Variants in BCAS3 observed in about 807,000 individuals in gnomAD.
BCAS3 encodes the protein BCAS3 microtubule associated cell migration factor.
A neutral mutation model predicts 116.1 loss-of-function variants in BCAS3; 53 were observed. The ratio of observed to expected loss-of-function variants is 0.46; its 90% confidence interval spans 0.37 to 0.57. The LOEUF (loss-of-function observed/expected upper bound fraction) is 0.57, where lower values mean the gene tolerates loss of function less well. BCAS3 is among the 20% of genes least tolerant of loss of function. The pLI is 0.00. For synonymous variants in BCAS3, 391 were observed against 408.2 expected (o/e 0.96, Z 0.51); for missense variants, 917 against 1,165.4 (o/e 0.79, Z 3.10).
At chr17:60,973,882 A>G (rs1051994973) in intron 14 of BCAS3, among the ~76,000 whole-genome samples, 2 of 151,976 alleles carry the variant, frequency 1.3e-5, no homozygotes, top group Non-Finnish European at 2.9e-5. Context: ...GTGAGCCACC[A>G]CACCCTGCCT....
Position 61,085,283 on chromosome 17 carries a change from G to GA in BCAS3, c.2425+719_2425+720insA, listed in dbSNP as rs112378576. Among the ~76,000 whole-genome samples the GA allele has an allele frequency of 1.4e-3, 214 of 152,334 alleles. 1 individual carries two copies. Among genetic ancestry groups the GA allele is most frequent in the African/African-American group, 4.4e-3 (183 of 41,572 alleles). On this transcript the variant is annotated intron_variant, in intron 22 of 23. Coordinates refer to ENST00000407086, the MANE Select transcript of BCAS3 (RefSeq NM_017679.5). The stretch of plus-strand genomic sequence containing the variant: ...TGCAGCTGGGGAGCATCTGAAGACA[G>GA]CGCATGGCAGGATTTTGTCCAAAAA...
chr17:61,305,724 C>T lies in BCAS3; in HGVS notation c.2426-62603C>T, dbSNP rs138657226. 4.9e-3 allele frequency among the ~76,000 whole-genome samples: 743 copies of T among 152,138 alleles called. 8 individuals are homozygous for T. Among genetic ancestry groups the T allele is most frequent in the African/African-American group, 0.017 (692 of 41,520 alleles). On this transcript the variant is annotated intron_variant, in intron 22 of 23. Coordinates refer to ENST00000407086, the MANE Select transcript of BCAS3 (RefSeq NM_017679.5). Reference sequence around the variant, plus strand: ...CAGCCTGGGCAACATGGTGAAACCCCGTCTCTACTAAAAATACAAAAATTA... The same window carrying T: ...CAGCCTGGGCAACATGGTGAAACCCTGTCTCTACTAAAAATACAAAAATTA...
At chr17:61,039,115 TTCAGACCTAGG>T in intron 18 of BCAS3, among the ~76,000 whole-genome samples, 1 of 152,306 alleles carries the variant, frequency 6.6e-6, no homozygotes, top group Non-Finnish European at 1.5e-5. Flanking sequence ...TCTCCAACCC[TTCAGACCTAGG>T]CAGCAGCCAG....
At chr17:61,039,728 T>C (rs1939307512) in intron 18 of BCAS3, among the ~76,000 whole-genome samples, 1 of 152,196 alleles carries the variant, frequency 6.6e-6, no homozygotes, top group Admixed American at 6.5e-5. Context: ...CCCATGAACA[T>C]ATTTTTTTAA....
At position 61,276,722 on chromosome 17, in the gene BCAS3, T is replaced by C. The variant is rs2050787033; in HGVS notation, c.2426-91605T>C. On this transcript the variant is annotated intron_variant, in intron 22 of 23. Coordinates refer to ENST00000407086, the MANE Select transcript of BCAS3 (RefSeq NM_017679.5). The surrounding 1 kb of genome is among the most constrained non-coding windows in gnomAD (Gnocchi z 4.2). ...TGACAAGCTGATCCTAAAATTTACA[T>C]ATAAATTCAAGGGTGCAGAAAAGCC... is the stretch of plus-strand genomic sequence containing the variant. Among the ~76,000 whole-genome samples, 1 of 152,164 alleles carries C rather than the reference T, an allele frequency of 6.6e-6. No individual in the cohort carries two copies. The highest frequency in any genetic ancestry group is 6.5e-5 in the Admixed American group (1 of 15,278).
chr17:60,694,587 T>G lies in BCAS3; in HGVS notation c.214+4826T>G, dbSNP rs550643889. On this transcript the variant is annotated intron_variant, in intron 4 of 23. Transcript: ENST00000407086. ...TCGAACTTCTGGGCTCAAGCCATCC[T>G]TCTGTCTCAGCCTCCGAAAGTGTTG... Among the ~76,000 whole-genome samples the G allele has an allele frequency of 3.9e-5, 6 of 152,114 alleles. No individual in the cohort carries two copies. In the East Asian group the frequency reaches 1.2e-3, roughly 29 times the overall value.
intron 12 of BCAS3, among the ~76,000 whole-genome samples, chr17:60,918,148 A>C (rs995401073): frequency 2.0e-5 from 3 of 152,098 alleles, no homozygotes; most frequent in African/African-American, 7.2e-5. Context: ...AACACTAGTT[A>C]TTTTTCTTTT....
In BCAS3 at chr17:61,289,698, A is replaced by G. The variant is rs902116862; in HGVS notation, c.2426-78629A>G. ...AAGCCTCACGTATTACTCTAACAGC[A>G]CTCCTTTTCTTTATTAAATCCACTT... is the stretch of plus-strand genomic sequence containing the variant. On this transcript the variant is annotated intron_variant, in intron 22 of 23. Transcript: ENST00000407086. 1.3e-5 allele frequency among the ~76,000 whole-genome samples: 2 copies of G among 151,710 alleles called. 1 individual carries two copies. Among genetic ancestry groups the G allele is most frequent in the South Asian group, 4.1e-4 (2 of 4,824 alleles).
rs181616989 is a variant in BCAS3, at chr17:61,085,526, T to G, written c.2425+962T>G. Among the ~76,000 whole-genome samples the G allele has an allele frequency of 7.9e-5, 12 of 152,350 alleles. No homozygotes were observed. In the East Asian group the frequency reaches 2.3e-3, roughly 29 times the overall value. ...GTGGATATGGATATATTTTTAAGTT[T>G]CAAAGCTAATGGGTTTTATACATAT... is the stretch of plus-strand genomic sequence containing the variant. On this transcript the variant is annotated intron_variant, in intron 22 of 23. Transcript: ENST00000407086.
chr17:60,810,215 G>A (rs1429845762), intron 7 of BCAS3: 4 of 436,632 alleles, frequency 9.2e-6, no homozygotes, highest in African/African-American at 2.1e-5. Flanking sequence ...CAGTCTCTGG[G>A]CTCTGTGCAG....
rs761288171 is a variant in BCAS3 at position 60,910,648 on chromosome 17, T to G, written c.939T>G (p.Pro313=). 5.0e-6 allele frequency: 8 copies of G among 1,613,166 alleles called. No individual in the cohort carries two copies. Among genetic ancestry groups the G allele is most frequent in the Non-Finnish European group, 6.8e-6 (8 of 1,179,606 alleles). ...TCCACAGTAATTCACGGCGGAGTCC[T>G]TTGGTCCCAGGCATCATCACAGTTA... ...VAIHSNSRRS[P]LVPGIITVID... The change falls in exon 12 of 24, where the codon CCT becomes CCG. Residue 313 remains proline (P), a synonymous_variant. Coordinates refer to ENST00000407086, the MANE Select transcript of BCAS3 (RefSeq NM_017679.5).
chr17:60,922,212 C>T (rs1221765947), intron 12 of BCAS3, among the ~76,000 whole-genome samples: 13 of 152,134 alleles, frequency 8.5e-5, no homozygotes, highest in South Asian at 2.1e-4. Context: ...CTGCAACCTC[C>T]GCCTCCTGGG....
At chr17:61,273,877 G>C (rs1234374419) in intron 22 of BCAS3, among the ~76,000 whole-genome samples, 1 of 146,506 alleles carries the variant, frequency 6.8e-6, no homozygotes, top group Non-Finnish European at 1.5e-5. Flanking sequence ...GTTATGTTTG[G>C]TTCTTTTTAT....
rs2059562547 is a variant in BCAS3, at chr17:61,380,639, G to A, written c.2594-11338G>A. On this transcript the variant is annotated intron_variant, in intron 23 of 23. Transcript: ENST00000407086. The surrounding 1 kb of genome is among the most constrained non-coding windows in gnomAD (Gnocchi z 4.2). The stretch of plus-strand genomic sequence containing the variant: ...CGTTGCTTCTTTTGTCCCTCAAGAG[G>A]GTGCCCTCCTACCCCCTCGTGCCCA... 6.7e-7 allele frequency: 1 copy of A among 1,488,576 alleles called. No homozygotes were observed. The highest frequency in any genetic ancestry group is 9.2e-7 in the Non-Finnish European group (1 of 1,086,174). The allele number at this position is 1,488,576 out of a possible 1,614,324, so 92.2% of individuals were successfully genotyped here.
In BCAS3 at chr17:61,189,482, C is replaced by T. The variant is rs924630461; in HGVS notation, c.2425+104918C>T. On this transcript the variant is annotated intron_variant, in intron 22 of 23. Transcript: ENST00000407086. This position sits in a 1 kb window ranked among gnomAD's most constrained non-coding sequence, Gnocchi z 4.5. ...GTCTTAGGCAGAAGAGGAGTGACAG[C>T]GTCAGACTTGCATTTTAAATGTAAT... Among the ~76,000 whole-genome samples the T allele has an allele frequency of 5.3e-5, 8 of 152,108 alleles. No homozygotes were observed. In the East Asian group the frequency reaches 5.8e-4, roughly 11 times the overall value.
chr17:61,060,773 A>G (rs1382347938), intron 19 of BCAS3, among the ~76,000 whole-genome samples: 1 of 152,236 alleles, frequency 6.6e-6, no homozygotes, highest in African/African-American at 2.4e-5. Context: ...AAAGTATCCT[A>G]AGAAAGTCAT....
chr17:61,136,811 G>A lies in BCAS3; in HGVS notation c.2425+52247G>A, dbSNP rs918841624. ...TGGCCTCAAGTGATCCACCCACCTC[G>A]GCCTCCCAAAGTCCTGAGATTACAG... On this transcript the variant is annotated intron_variant, in intron 22 of 23. Transcript: ENST00000407086. This position sits in a 1 kb window ranked among gnomAD's most constrained non-coding sequence, Gnocchi z 4.4. Among the ~76,000 whole-genome samples the A allele has an allele frequency of 3.3e-5, 5 of 152,124 alleles. No homozygotes were observed. Among genetic ancestry groups the A allele is most frequent in the East Asian group, 1.9e-4 (1 of 5,170 alleles).
At chr17:60,769,774 A>G (rs9896143) in intron 6 of BCAS3, among the ~76,000 whole-genome samples, 1 of 150,196 alleles carries the variant, frequency 6.7e-6, no homozygotes, top group Non-Finnish European at 1.5e-5. Flanking sequence ...ATTTTTTTTA[A>G]TTTTTTTTTT....
chr17:60,777,935 T>C (rs781121151), intron 6 of BCAS3, among the ~76,000 whole-genome samples: 3 of 152,226 alleles, frequency 2.0e-5, no homozygotes. Context: ...TAGTTTTCTT[T>C]AGTACCACTC....
Sources: allele counts gnomAD v4.1 joint callset (sites outside exome capture counted in the v4.1 genomes callset), GRCh38; gene constraint gnomAD v4.1.1; non-coding constraint Gnocchi (gnomAD v3.1); transcripts MANE v1.5; gene names NCBI Gene and HGNC (gene_info 2026-07-23, HGNC 2026-07-21).